PTPN3: variants seen among roughly 807,000 people sequenced by gnomAD.
PTPN3 encodes the protein tyrosine-protein phosphatase non-receptor type 3.
In PTPN3, 96 loss-of-function variants were observed where a neutral mutation model predicts 132.7. The ratio of observed to expected loss-of-function variants is 0.72; its 90% confidence interval spans 0.61 to 0.86. PTPN3 has a LOEUF of 0.86. Ranked by LOEUF, PTPN3 falls within the 40% of genes least tolerant of loss-of-function variation. The pLI is 0.00. For synonymous variants in PTPN3, 398 were observed against 429.0 expected (o/e 0.93, Z 0.89); for missense variants, 1,125 against 1,159.6 (o/e 0.97, Z 0.43).
chr9:109,498,834 T>C (rs976610414), upstream of PTPN3, among the ~76,000 whole-genome samples: 1 of 152,098 alleles, frequency 6.6e-6, no homozygotes, highest in African/African-American at 2.4e-5. The surrounding 1 kb of genome is among the most constrained non-coding windows in gnomAD (Gnocchi z 4.2). Flanking sequence ...CATCAAACAC[T>C]CGAACTTCAC....
chr9:109,450,227 A>C, intron 5 of PTPN3: 2 of 985,348 alleles, frequency 2.0e-6, no homozygotes, highest in Non-Finnish European at 2.4e-6. Flanking sequence ...TATAACATAC[A>C]TTTGCTGATT....
the PTPN3 span, among the ~76,000 whole-genome samples, chr9:109,505,309 G>A: frequency 6.6e-6 from 1 of 152,216 alleles, no homozygotes; most frequent in South Asian, 2.1e-4. Context: ...GTCTTGCTCT[G>A]TCACCCAGAC....
intron 10 of PTPN3, among the ~76,000 whole-genome samples, chr9:109,432,749 G>GA (rs1476661617): frequency 6.6e-6 from 1 of 152,166 alleles, no homozygotes; most frequent in Non-Finnish European, 1.5e-5. Flanking sequence ...CCTGCCCAGA[G>GA]AAAGCTCTTC....
intron 18 of PTPN3, among the ~76,000 whole-genome samples, chr9:109,406,213 G>A (rs1170076370): frequency 6.6e-6 from 1 of 152,216 alleles, no homozygotes; most frequent in Non-Finnish European, 1.5e-5. Context: ...GGGGGCTCAT[G>A]TCCTGTATAA....
At position 109,381,738 on chromosome 9, in the gene PTPN3, A is replaced by C; in HGVS notation, c.2578T>G (p.Cys860Gly). The change falls in exon 25 of 26, where the codon TGC becomes GGC. Residue 860 changes from cysteine (C) to glycine (G), a missense_variant. Coordinates refer to ENST00000374541, the MANE Select transcript of PTPN3 (RefSeq NM_002829.4). ...ATGGGCAGGTTCCTCTCAGTTAGGC[A>C]CATGGCTGTTTCCATAGTGACCAAC... ...GVLVTMETAM[C>G]LTERNLPIYP... 1 of 1,614,232 alleles carries C rather than the reference A, an allele frequency of 6.2e-7. No individual in the cohort carries two copies. Among genetic ancestry groups the C allele is most frequent in the Non-Finnish European group, 8.5e-7 (1 of 1,180,028 alleles).
rs751982221 is a variant in PTPN3, at chr9:109,410,017, T to A, written c.1560A>T (p.Lys520Asn). Residue 520 changes from lysine (K) to asparagine (N), a missense_variant, in exon 16 of 26, where the codon AAA (lysine) becomes AAT (asparagine). Coordinates refer to ENST00000374541, the MANE Select transcript of PTPN3 (RefSeq NM_002829.4). ...AACATACCTTAAGATTAAATCCAAA[T>A]TTTCCATCTTCATCTGGTGTGATAC... ...LIRITPDEDGKFGFNLKGGVD... is the reference protein window; with the variant it reads ...LIRITPDEDGNFGFNLKGGVD... 4.3e-6 allele frequency: 7 copies of A among 1,614,216 alleles called. No individual in the cohort carries two copies. Among genetic ancestry groups the A allele is most frequent in the Non-Finnish European group, 5.9e-6 (7 of 1,180,048 alleles).
chr9:109,488,135 T>C (rs1414020057), intron 1 of PTPN3, among the ~76,000 whole-genome samples: 1 of 150,240 alleles, frequency 6.7e-6, no homozygotes, highest in Non-Finnish European at 1.5e-5. Context: ...CTCGCTCTTT[T>C]GCCCAGGCTG....
At chr9:109,416,293 C>T (rs942810696) in intron 14 of PTPN3, among the ~76,000 whole-genome samples, 2 of 152,164 alleles carry the variant, frequency 1.3e-5, no homozygotes, top group Admixed American at 1.3e-4. Flanking sequence ...CCTGGGCTGT[C>T]TAACGACAGA....
At chr9:109,389,475 AC>A in intron 21 of PTPN3, 96 bp from the exon 22 acceptor site, 1 of 1,269,498 alleles carries the variant, frequency 7.9e-7, no homozygotes. Flanking sequence ...TTGATATTGC[AC>A]CAGAAAAATT....
chr9:109,468,600 T>G (rs184691716), intron 1 of PTPN3, among the ~76,000 whole-genome samples: 1,701 of 152,200 alleles, frequency 0.011, 18 homozygotes, highest in Non-Finnish European at 0.016. Flanking sequence ...TCTCCTGACC[T>G]CGTGATCCGC....
the PTPN3 span, among the ~76,000 whole-genome samples, chr9:109,535,553 G>C: frequency 1.3e-5 from 2 of 151,948 alleles, no homozygotes; most frequent in Non-Finnish European, 2.9e-5. Context: ...TGTCGCCCAG[G>C]CTGGAGTGTA....
chr9:109,409,647 C>T (rs1841915479), intron 16 of PTPN3, among the ~76,000 whole-genome samples: 1 of 152,004 alleles, frequency 6.6e-6, no homozygotes, highest in African/African-American at 2.4e-5. Context: ...TGGTGAAACC[C>T]CATCTCTACA....
rs963226577 is a variant in PTPN3, at chr9:109,415,031, TGTCC to T, written c.1314-4620_1314-4617del. ...AGTTTCATCTAACCATTTGTCCGTC[TGTCC>T]GTCCGTCCGTCCGTCCATCCGTCCA... On this transcript the variant is annotated intron_variant, in intron 14 of 25. Transcript: ENST00000374541. Among the ~76,000 whole-genome samples the T allele has an allele frequency of 7.1e-4, 44 of 62,310 alleles. No homozygotes were observed. In the South Asian group the frequency reaches 9.8e-3, roughly 14 times the overall value. 40.9% of individuals were successfully genotyped at this position (62,310 alleles called of 152,430 possible). A position where few individuals can be genotyped will look rare whatever the true frequency, so the allele number is the denominator to read the frequency against.
chr9:109,413,585 G>C (rs1465244767), intron 14 of PTPN3, among the ~76,000 whole-genome samples: 1 of 152,152 alleles, frequency 6.6e-6, no homozygotes, highest in African/African-American at 2.4e-5. Context: ...GTGAAGAAAG[G>C]GGCAGGATGA....
intron 4 of PTPN3, among the ~76,000 whole-genome samples, chr9:109,454,812 C>T (rs1380602122): frequency 6.6e-6 from 1 of 152,184 alleles, no homozygotes; most frequent in East Asian, 1.9e-4. Flanking sequence ...CTTCCTAGCA[C>T]ACGTTTATCT....
chr9:109,395,667 G>A (rs746761165), intron 19 of PTPN3, among the ~76,000 whole-genome samples: 12 of 151,972 alleles, frequency 7.9e-5, no homozygotes, highest in Non-Finnish European at 1.5e-4. Flanking sequence ...CATGTCTGTA[G>A]TCACAGCTAC....
At position 109,381,794 on chromosome 9, in the gene PTPN3, A is replaced by AG; in HGVS notation, c.2529-8dup. ...GGTTCGACCTATTCCAGCACTGGAG[A>AG]GGGGAGAGAAGACAGACTTGGGATT... is the stretch of plus-strand genomic sequence containing the variant. On this transcript the variant is annotated splice_polypyrimidine_tract_variant and splice_region_variant and intron_variant, in intron 24 of 25. Coordinates refer to ENST00000374541, the MANE Select transcript of PTPN3 (RefSeq NM_002829.4). 6.2e-7 allele frequency: 1 copy of AG among 1,614,146 alleles called. No individual in the cohort carries two copies. Among genetic ancestry groups the AG allele is most frequent in the Non-Finnish European group, 8.5e-7 (1 of 1,180,014 alleles).
intron 19 of PTPN3, among the ~76,000 whole-genome samples, chr9:109,401,319 T>A (rs1841076926): frequency 6.6e-6 from 1 of 152,138 alleles, no homozygotes; most frequent in African/African-American, 2.4e-5. Context: ...TTGTTAAAAG[T>A]ATCAGTATCT....
chr9:109,460,060 A>G (rs2132038451), intron 2 of PTPN3, among the ~76,000 whole-genome samples: 1 of 152,176 alleles, frequency 6.6e-6, no homozygotes, highest in African/African-American at 2.4e-5. Context: ...ATACTGCTAC[A>G]CAGATGAATA....
Sources: gnomAD v4.1 joint callset for allele counts (sites outside exome capture counted in the v4.1 genomes callset) on GRCh38, gnomAD v4.1.1 for gene constraint, Gnocchi (gnomAD v3.1) non-coding constraint, MANE v1.5 for transcripts, NCBI Gene and HGNC (gene_info 2026-07-23, HGNC 2026-07-21) for gene names.